NRXN1: variants seen among roughly 807,000 people sequenced by gnomAD.
NRXN1 encodes neurexin 1.
Under a neutral mutation model 150.9 loss-of-function variants are expected in NRXN1, and 39 were observed. That is an observed-to-expected ratio of 0.26 (90% confidence interval 0.20 to 0.34). The LOEUF (loss-of-function observed/expected upper bound fraction) is 0.34. Ranked by LOEUF, NRXN1 falls within the 10% of genes least tolerant of loss-of-function variation. The pLI, the probability that NRXN1 is intolerant of heterozygous loss-of-function variation, is 1.00. For synonymous variants in NRXN1, 924 were observed against 757.0 expected (o/e 1.22, Z -3.62); for missense variants, 1,815 against 1,949.9 (o/e 0.93, Z 1.30).
intron 8 of NRXN1, among the ~76,000 whole-genome samples, chr2:50,610,638 G>GATATATATAT (rs1573776539): frequency 1.0e-4 from 3 of 29,550 alleles, no homozygotes; most frequent in African/African-American, 2.4e-4. Context: ...ACTATAAATA[G>GATATATATAT]ATACATATAT....
intron 5 of NRXN1, among the ~76,000 whole-genome samples, chr2:50,730,081 T>A (rs1697904158): frequency 6.6e-6 from 1 of 152,166 alleles, no homozygotes; most frequent in South Asian, 2.1e-4. Flanking sequence ...CATTTACATA[T>A]TATTAATAGA....
At chr2:50,042,913 C>T (rs938282497) in intron 21 of NRXN1, among the ~76,000 whole-genome samples, 18 of 152,024 alleles carry the variant, frequency 1.2e-4, no homozygotes, top group Admixed American at 1.2e-3. Context: ...GCCATTAACA[C>T]TAACAAAGCT....
chr2:50,659,529 A>G (rs1400294591), intron 5 of NRXN1, among the ~76,000 whole-genome samples: 1 of 151,900 alleles, frequency 6.6e-6, no homozygotes, highest in Non-Finnish European at 1.5e-5. Flanking sequence ...CTTAAAAATC[A>G]TTTGTTGACA....
chr2:50,082,994 C>T (rs1698183041), intron 19 of NRXN1, among the ~76,000 whole-genome samples: 1 of 152,164 alleles, frequency 6.6e-6, no homozygotes, highest in African/African-American at 2.4e-5. Flanking sequence ...AAAAAATCAG[C>T]ATATTCTGAA....
chr2:50,447,952 G>C (rs1165740159), intron 17 of NRXN1, among the ~76,000 whole-genome samples: 1 of 151,382 alleles, frequency 6.6e-6, no homozygotes, highest in Non-Finnish European at 1.5e-5. Flanking sequence ...TAATAAGCAA[G>C]TAAAGTGTAT....
At chr2:50,928,783 G>C (rs1041016762) in intron 2 of NRXN1, among the ~76,000 whole-genome samples, 14 of 152,032 alleles carry the variant, frequency 9.2e-5, no homozygotes, top group African/African-American at 3.1e-4. Flanking sequence ...ACACTGTCAA[G>C]TTAGGGAAAA....
chr2:50,819,772 T>G (rs11896435), intron 5 of NRXN1, among the ~76,000 whole-genome samples: 84,272 of 151,704 alleles, frequency 0.56, 25,394 homozygotes, highest in Non-Finnish European at 0.69. Flanking sequence ...TATTTCCATG[T>G]TCACCCCATC....
At chr2:50,531,523 A>G in intron 10 of NRXN1, 93 bp from the exon 11 acceptor site, 1 of 906,820 alleles carries the variant, frequency 1.1e-6, no homozygotes, top group Non-Finnish European at 1.7e-6. Context: ...CATTTATTTA[A>G]GACTTCCAGA....
chr2:50,848,388 A>G (rs1445653443), intron 5 of NRXN1, among the ~76,000 whole-genome samples: 2 of 152,148 alleles, frequency 1.3e-5, no homozygotes, highest in African/African-American at 2.4e-5. Context: ...TTATTCTCCA[A>G]TGGGTCAAAG....
chr2:50,402,645 G>C (rs1384661580), intron 17 of NRXN1, among the ~76,000 whole-genome samples: 2 of 152,002 alleles, frequency 1.3e-5, no homozygotes, highest in African/African-American at 4.8e-5. Flanking sequence ...AAAAACGAAA[G>C]GAATGTGTGC....
At chr2:50,150,709 G>C (rs539005057) in intron 18 of NRXN1, among the ~76,000 whole-genome samples, 1 of 151,548 alleles carries the variant, frequency 6.6e-6, no homozygotes, top group Admixed American at 6.6e-5. Flanking sequence ...TATCTTCTGC[G>C]ATTTATAAAA....
chr2:51,025,903 T>C (rs1575268592), intron 2 of NRXN1, among the ~76,000 whole-genome samples: 1 of 152,270 alleles, frequency 6.6e-6, no homozygotes, highest in South Asian at 2.1e-4. Context: ...CAAAATATAA[T>C]GAAAAACAAA....
At chr2:49,954,467 T>G (rs973685951) in intron 21 of NRXN1, among the ~76,000 whole-genome samples, 4 of 152,118 alleles carry the variant, frequency 2.6e-5, no homozygotes, top group African/African-American at 9.7e-5. Context: ...ATTTTATCAC[T>G]GCATCCAGAA....
chr2:50,690,433 G>A (rs752367743), intron 5 of NRXN1, among the ~76,000 whole-genome samples: 24 of 152,240 alleles, frequency 1.6e-4, no homozygotes, highest in South Asian at 6.2e-4. Context: ...ACCATCCAGA[G>A]GCAACAAAAT....
intron 5 of NRXN1, among the ~76,000 whole-genome samples, chr2:50,911,287 G>A (rs1393853636): frequency 6.6e-6 from 1 of 151,792 alleles, no homozygotes; most frequent in South Asian, 2.1e-4. Context: ...ACAATCTCGT[G>A]TTCTTGTCCC....
intron 17 of NRXN1, among the ~76,000 whole-genome samples, chr2:50,305,576 A>G (rs2074540319): frequency 6.6e-6 from 1 of 152,238 alleles, no homozygotes; most frequent in South Asian, 2.1e-4. Flanking sequence ...AACTTGAGTC[A>G]TTAACAATTA....
At chr2:50,960,942 A>G (rs865816840) in intron 2 of NRXN1, among the ~76,000 whole-genome samples, 1 of 151,994 alleles carries the variant, frequency 6.6e-6, no homozygotes, top group Non-Finnish European at 1.5e-5. Context: ...AATTTAAGCA[A>G]CTGTCTCTGT....
intron 2 of NRXN1, chr2:50,963,940 GTTTAA>G (rs1470641871): frequency 2.3e-6 from 1 of 432,774 alleles, no homozygotes; most frequent in Non-Finnish European, 4.6e-6. Flanking sequence ...CATCAGTCCA[GTTTAA>G]TTTGAGCTCA....
At chr2:50,866,311 C>T (rs1195085325) in intron 5 of NRXN1, among the ~76,000 whole-genome samples, 1 of 151,788 alleles carries the variant, frequency 6.6e-6, no homozygotes, top group Non-Finnish European at 1.5e-5. Context: ...TTTTTCCATT[C>T]TCAAAATGAA....
Sources: allele counts gnomAD v4.1 joint callset (sites outside exome capture counted in the v4.1 genomes callset), GRCh38; gene constraint gnomAD v4.1.1; transcripts MANE v1.5; gene names NCBI Gene and HGNC (gene_info 2026-07-23, HGNC 2026-07-21).